SYNE2: variants seen among roughly 807,000 people sequenced by gnomAD.
The protein encoded by SYNE2 is nesprin-2.
Under a neutral mutation model 856.3 loss-of-function variants are expected in SYNE2, and 431 were observed. That is an observed-to-expected ratio of 0.50 (90% confidence interval 0.47 to 0.55). The LOEUF is 0.55. SYNE2 is among the 20% of genes least tolerant of loss of function. The pLI, the probability that SYNE2 is intolerant of heterozygous loss-of-function variation, is 0.00. For missense variants in SYNE2, 8,129 were observed against 8,023.2 expected (o/e 1.01, Z -0.50); for synonymous variants, 2,923 against 2,872.3 (o/e 1.02, Z -0.56).
chr14:64,078,862 A>T (rs1182117598), intron 55 of SYNE2, among the ~76,000 whole-genome samples: 1 of 152,208 alleles, frequency 6.6e-6, no homozygotes, highest in Non-Finnish European at 1.5e-5. Context: ...ACTTGAGCCT[A>T]GGAGTTTGAG....
In SYNE2 at chr14:64,202,796, T is replaced by A. The variant is rs189611387; in HGVS notation, c.18039-5T>A. 4,720 of 1,614,132 alleles carry A rather than the reference T, an allele frequency of 2.9e-3. 9 individuals are homozygous for A. The highest frequency in any genetic ancestry group is 0.015 in the Middle Eastern group (88 of 6,060). On this transcript the variant is annotated splice_region_variant and splice_polypyrimidine_tract_variant and intron_variant, in intron 99 of 115. Coordinates refer to ENST00000555002, the MANE Select transcript of SYNE2 (RefSeq NM_182914.3). ...TTCGTTTTGTTTTTCTGCAAATATGTGTAGGGTGAAGAAGCTGAAGGAGAC... is the reference window on the plus strand; with the variant it reads ...TTCGTTTTGTTTTTCTGCAAATATGAGTAGGGTGAAGAAGCTGAAGGAGAC...
At chr14:64,075,446 G>A (rs1212013487) in intron 53 of SYNE2, among the ~76,000 whole-genome samples, 1 of 152,182 alleles carries the variant, frequency 6.6e-6, no homozygotes, top group Non-Finnish European at 1.5e-5. Context: ...TTTGAAAGCA[G>A]TTGAGCTCTG....
chr14:63,907,858 CTT>C (rs1289316087), intron 1 of SYNE2, among the ~76,000 whole-genome samples: 1 of 152,124 alleles, frequency 6.6e-6, no homozygotes, highest in Non-Finnish European at 1.5e-5. Context: ...TATAGCAACT[CTT>C]TTACCTCAGG....
chr14:64,190,047 T>G, intron 98 of SYNE2, 24 bp from the exon 99 acceptor site: 1 of 1,613,670 alleles, frequency 6.2e-7, no homozygotes, highest in Non-Finnish European at 8.5e-7. Context: ...TTAGCCAGGC[T>G]TTATGTTTTG....
intron 19 of SYNE2, among the ~76,000 whole-genome samples, chr14:63,989,681 A>T (rs2096652408): frequency 1.4e-5 from 2 of 147,736 alleles, no homozygotes; most frequent in Admixed American, 6.8e-5. Context: ...ATGGAGTTTC[A>T]CTCTTGTCAC....
rs1052112869 is a variant in SYNE2 at position 64,072,451 on chromosome 14, A to G, written c.10698-1517A>G. Reference sequence around the variant, plus strand: ...GGGGCTCAATCCATCCCACAAGAGGACCTCTACTTCAGATGCCAATCATCA... The same window carrying G: ...GGGGCTCAATCCATCCCACAAGAGGGCCTCTACTTCAGATGCCAATCATCA... On this transcript the variant is annotated intron_variant, in intron 52 of 115. Coordinates refer to ENST00000555002, the MANE Select transcript of SYNE2 (RefSeq NM_182914.3). Among the ~76,000 whole-genome samples the G allele has an allele frequency of 2.0e-5, 3 of 150,950 alleles. No individual in the cohort carries two copies. In the South Asian group the frequency reaches 6.3e-4, roughly 32 times the overall value.
rs1595945315 is a variant in SYNE2, at chr14:64,167,395, C to T, written c.16760+8C>T. 1 of 1,614,238 alleles carries T rather than the reference C, an allele frequency of 6.2e-7. No individual in the cohort carries two copies. Among genetic ancestry groups the T allele is most frequent in the Non-Finnish European group, 8.5e-7 (1 of 1,180,048 alleles). On this transcript the variant is annotated splice_region_variant and intron_variant, in intron 91 of 115. Coordinates refer to ENST00000555002, the MANE Select transcript of SYNE2 (RefSeq NM_182914.3). ...GGCACTGGAGCGCTGCAGGTTAGAA[C>T]ATCCCTTCTCTGTCGTTGTTTCAAT...
chr14:63,986,336 G>A (rs752076529), intron 18 of SYNE2, 120 bp from the exon 19 acceptor site: 41 of 1,053,330 alleles, frequency 3.9e-5, no homozygotes, highest in Non-Finnish European at 5.5e-5. Flanking sequence ...CTAGCCTCAA[G>A]CAATCCTCCT....
intron 1 of SYNE2, among the ~76,000 whole-genome samples, chr14:63,824,061 G>A (rs1889325914): frequency 6.6e-6 from 1 of 152,158 alleles, no homozygotes; most frequent in African/African-American, 2.4e-5. Flanking sequence ...ACTAAAAGAG[G>A]AGTGCAGTGA....
At chr14:63,884,784 ATAG>A (rs2094943870) in intron 1 of SYNE2, among the ~76,000 whole-genome samples, 1 of 151,952 alleles carries the variant, frequency 6.6e-6, no homozygotes, top group African/African-American at 2.4e-5. Context: ...AATGCAGTTG[ATAG>A]GAAGCCTTTG....
chr14:64,112,740 C>T (rs1212214801), intron 65 of SYNE2, among the ~76,000 whole-genome samples: 1 of 152,060 alleles, frequency 6.6e-6, no homozygotes, highest in Non-Finnish European at 1.5e-5. Flanking sequence ...TCCAGGTTAC[C>T]CCACTGAAGT....
chr14:64,007,264 C>G (rs1353313772), intron 31 of SYNE2, 42 bp downstream of exon 31: 2 of 1,580,822 alleles, frequency 1.3e-6, no homozygotes, highest in Non-Finnish European at 1.7e-6. Context: ...GAAAAATTGT[C>G]TGTAGCACAA....
At chr14:64,141,299 T>C (rs780789440) in intron 80 of SYNE2, 42 bp from the exon 81 acceptor site, 3 of 1,526,902 alleles carry the variant, frequency 2.0e-6, no homozygotes, top group Non-Finnish European at 1.8e-6. Flanking sequence ...CTTTCTGCTA[T>C]ATTTAAATTT....
At position 63,762,493 on chromosome 14, in the gene SYNE2, C is replaced by CTT. The variant is rs35827608; in HGVS notation, c.-305+518_-305+519dup. ...AAAGAAAAGAAAAAACTATCAAGAA[C>CTT]TTTTTTTTTTTTGGACAATTCAGGA... On this transcript the variant is annotated intron_variant, in intron 1 of 23. Coordinates refer to the SYNE2 transcript ENST00000674003. Among the ~76,000 whole-genome samples, 256 of 135,572 alleles carry CTT rather than the reference C, an allele frequency of 1.9e-3. 1 individual carries two copies. Among genetic ancestry groups the CTT allele is most frequent in the South Asian group, 3.0e-3 (13 of 4,316 alleles). The allele number at this position is 135,572 out of a possible 152,430, so 88.9% of individuals were successfully genotyped here. A position where few individuals can be genotyped will look rare whatever the true frequency, so the allele number is the denominator to read the frequency against.
chr14:63,835,559 A>T (rs1889823096), intron 1 of SYNE2, among the ~76,000 whole-genome samples: 1 of 112,140 alleles, frequency 8.9e-6, no homozygotes, highest in African/African-American at 3.3e-5. Context: ...CTTAATGTAG[A>T]TATTTGCGTG....
chr14:63,986,253 T>G (rs141599486), intron 18 of SYNE2, among the ~76,000 whole-genome samples: 1 of 152,192 alleles, frequency 6.6e-6, no homozygotes, highest in African/African-American at 2.4e-5. Flanking sequence ...GCATGCACCA[T>G]TATGCCCAGC....
At chr14:64,198,724 G>A (rs546532449) in intron 99 of SYNE2, among the ~76,000 whole-genome samples, 1 of 152,326 alleles carries the variant, frequency 6.6e-6, no homozygotes, top group East Asian at 1.9e-4. Flanking sequence ...CCAGGGCTGA[G>A]GAGCACGAGT....
intron 90 of SYNE2, 121 bp from the exon 91 acceptor site, chr14:64,167,112 G>T: frequency 8.1e-7 from 1 of 1,234,594 alleles, no homozygotes; most frequent in East Asian, 2.4e-5. Flanking sequence ...GTTTGACTGT[G>T]GGCAAGTCAT....
chr14:64,124,377 ATTT>A (rs372149959), intron 70 of SYNE2, among the ~76,000 whole-genome samples: 28 of 130,090 alleles, frequency 2.2e-4, no homozygotes, highest in South Asian at 5.0e-4. Flanking sequence ...TTTTTGTATA[ATTT>A]TTTTTTTTTT....
Sources: gnomAD v4.1 joint callset for allele counts (sites outside exome capture counted in the v4.1 genomes callset) on GRCh38, gnomAD v4.1.1 for gene constraint, MANE v1.5 for transcripts, NCBI Gene and HGNC (gene_info 2026-07-23, HGNC 2026-07-21) for gene names.